The following TRIM59 variants were observed in gnomAD, a reference collection of about 807,000 sequenced individuals.
TRIM59 encodes the protein tripartite motif-containing protein 59.
TRIM59 carries 14 observed loss-of-function variants against 32.2 expected under a neutral mutation model. The observed-to-expected ratio is 0.43, with a 90% CI of 0.29 to 0.68. The LOEUF (loss-of-function observed/expected upper bound fraction) is 0.68. TRIM59 is among the 30% of genes least tolerant of loss of function. TRIM59 has a pLI of 0.15. For synonymous variants in TRIM59, 163 were observed against 155.1 expected (o/e 1.05, Z -0.38); for missense variants, 471 against 463.3 (o/e 1.02, Z -0.15).
chr3:160,446,245 C>T (rs560613861), intron 2 of TRIM59, among the ~76,000 whole-genome samples: 75 of 152,296 alleles, frequency 4.9e-4, no homozygotes, highest in Non-Finnish European at 7.8e-4. Flanking sequence ...CTAGGCCCTA[C>T]TCAACTGTTC....
At position 160,436,234 on chromosome 3, in the gene TRIM59, A is replaced by G; in HGVS notation, c.*1738T>C. The G allele has an allele frequency of 1.0e-6, 1 of 994,484 alleles. No individual in the cohort carries two copies. The highest frequency in any genetic ancestry group is 1.2e-6 in the Non-Finnish European group (1 of 835,522). The allele number at this position is 994,484 out of a possible 1,614,324, so 61.6% of individuals were successfully genotyped here. A position where few individuals can be genotyped will look rare whatever the true frequency, so the allele number is the denominator to read the frequency against. ...AGTTTTAGAACTAGTTCCCTGAAAA[A>G]GCTGTATTTATGATAGTTTATGTGC... On this transcript the variant is annotated 3_prime_UTR_variant, in exon 3 of 3. Coordinates refer to ENST00000309784, the MANE Select transcript of TRIM59 (RefSeq NM_173084.3).
intron 2 of TRIM59, among the ~76,000 whole-genome samples, chr3:160,441,849 C>G (rs1157746024): frequency 6.6e-6 from 1 of 151,420 alleles, no homozygotes; most frequent in East Asian, 1.9e-4. Flanking sequence ...CACACAGAGA[C>G]TAAGCTTGAA....
chr3:160,438,806 A>C lies in TRIM59; in HGVS notation c.378T>G (p.His126Gln). ...VCGHCLTIGQ[H>Q]HGHPIDDLQS... The stretch of plus-strand genomic sequence containing the variant: ...GAAGGTCATCTATAGGATGACCATG[A>C]TGTTGACCTATGGTAAGGCAATGAC... Residue 126 changes from histidine to glutamine, a missense_variant, in exon 3 of 3, where the codon CAT (histidine) becomes CAG (glutamine). Coordinates refer to ENST00000309784, the MANE Select transcript of TRIM59 (RefSeq NM_173084.3). The C allele has an allele frequency of 6.2e-7, 1 of 1,613,958 alleles. No individual in the cohort carries two copies. Among genetic ancestry groups the C allele is most frequent in the Non-Finnish European group, 8.5e-7 (1 of 1,179,918 alleles).
chr3:160,446,716 G>T (rs1719549956), intron 2 of TRIM59, among the ~76,000 whole-genome samples: 2 of 152,152 alleles, frequency 1.3e-5, no homozygotes, highest in African/African-American at 4.8e-5. Context: ...ATGGTGGCGG[G>T]CAAGCCCACC....
At position 160,436,820 on chromosome 3, in the gene TRIM59, A is replaced by G. The variant is rs967338104; in HGVS notation, c.*1152T>C. 1.3e-5 allele frequency: 12 copies of G among 927,892 alleles called. 1 individual carries two copies. The highest frequency in any genetic ancestry group is 1.2e-4 in the Admixed American group (2 of 16,136). The allele number at this position is 927,892 out of a possible 1,614,324, so 57.5% of individuals were successfully genotyped here. A position where few individuals can be genotyped will look rare whatever the true frequency, so the allele number is the denominator to read the frequency against. ...CTCAAAAAAAAAAAAAAAAAAAAAA[A>G]AAAAAGATTAAGTTGTTGGTACTTT... is the stretch of plus-strand genomic sequence containing the variant. On this transcript the variant is annotated 3_prime_UTR_variant, in exon 3 of 3. Coordinates refer to ENST00000309784, the MANE Select transcript of TRIM59 (RefSeq NM_173084.3).
At position 160,445,689 on chromosome 3, in the gene TRIM59, G is replaced by A. The variant is rs755703753; in HGVS notation, c.-4+3037C>T. Among the ~76,000 whole-genome samples the A allele has an allele frequency of 8.6e-5, 13 of 150,342 alleles. No homozygotes were observed. The East Asian group carries it at 1.6e-3, about 18-fold the overall frequency. ...CTCGGGAGGCTGAGGCAGGAGAATC[G>A]CTTAAACCTGGGAGGCGGAGATTGC... On this transcript the variant is annotated intron_variant, in intron 2 of 2. Coordinates refer to ENST00000309784, the MANE Select transcript of TRIM59 (RefSeq NM_173084.3).
In TRIM59 at chr3:160,438,560, A is replaced by G; in HGVS notation, c.624T>C (p.Cys208=). 1 of 1,611,474 alleles carries G rather than the reference A, an allele frequency of 6.2e-7. No homozygotes were observed. Among genetic ancestry groups the G allele is most frequent in the South Asian group, 1.1e-5 (1 of 89,982 alleles). The change falls in exon 3 of 3, where the codon TGT becomes TGC. Residue 208 remains cysteine, a synonymous_variant. Coordinates refer to ENST00000309784, the MANE Select transcript of TRIM59 (RefSeq NM_173084.3). ...QKKKSFLTAL[C]DVGNLINQEY... is the part of the protein sequence containing the mutation. The stretch of plus-strand genomic sequence containing the variant: ...CTTGATTAATTAGATTGCCAACATC[A>G]CAGAGAGCCGTTAGGAAACTTTTTT...
chr3:160,449,179 G>A (rs946347894), intron 1 of TRIM59, among the ~76,000 whole-genome samples: 13 of 152,208 alleles, frequency 8.5e-5, no homozygotes, highest in African/African-American at 2.9e-4. Context: ...AACTGATTTA[G>A]TATAGTTTGC....
In TRIM59 at chr3:160,436,194, T is replaced by C. The variant is rs1577009037; in HGVS notation, c.*1778A>G. 1 of 1,005,832 alleles carries C rather than the reference T, an allele frequency of 9.9e-7. No homozygotes were observed. Among genetic ancestry groups the C allele is most frequent in the Non-Finnish European group, 1.2e-6 (1 of 843,238 alleles). 62.3% of individuals were successfully genotyped at this position (1,005,832 alleles called of 1,614,324 possible). On this transcript the variant is annotated 3_prime_UTR_variant, in exon 3 of 3. Transcript: ENST00000309784. ...ACAGTCATCTTAGTGTTAAGACTTA[T>C]TCTCAGCAGGTAAGAGTTTTAGAAC... is the stretch of plus-strand genomic sequence containing the variant.
At chr3:160,442,593 G>A (rs1719312707) in intron 2 of TRIM59, among the ~76,000 whole-genome samples, 1 of 151,820 alleles carries the variant, frequency 6.6e-6, no homozygotes, top group African/African-American at 2.4e-5. Flanking sequence ...ATCGTGGTTG[G>A]TCTCAAAGTT....
chr3:160,445,569 T>C (rs1416808215), intron 2 of TRIM59, among the ~76,000 whole-genome samples: 1 of 149,286 alleles, frequency 6.7e-6, no homozygotes, highest in Non-Finnish European at 1.5e-5. Context: ...AAGTCAGGAG[T>C]TCAAGACCAG....
chr3:160,436,431 A>C lies in TRIM59; in HGVS notation c.*1541T>G. On this transcript the variant is annotated 3_prime_UTR_variant, in exon 3 of 3. Coordinates refer to ENST00000309784, the MANE Select transcript of TRIM59 (RefSeq NM_173084.3). ...GGCCAAAAGTCGTAACACATGCATC[A>C]TAACTCCAGTCCCTGTTAAAGGGAA... 1.0e-6 allele frequency: 1 copy of C among 985,942 alleles called. No homozygotes were observed. Among genetic ancestry groups the C allele is most frequent in the Non-Finnish European group, 1.2e-6 (1 of 829,972 alleles). 61.1% of individuals were successfully genotyped at this position (985,942 alleles called of 1,614,324 possible). A position where few individuals can be genotyped will look rare whatever the true frequency, so the allele number is the denominator to read the frequency against.
chr3:160,445,890 T>A (rs1192185613), intron 2 of TRIM59, among the ~76,000 whole-genome samples: 1 of 151,972 alleles, frequency 6.6e-6, no homozygotes, highest in Non-Finnish European at 1.5e-5. Flanking sequence ...CATGGCTCAC[T>A]GCAGCCTCAA....
At chr3:160,439,835 A>G (rs1719150710) in intron 2 of TRIM59, among the ~76,000 whole-genome samples, 2 of 152,212 alleles carry the variant, frequency 1.3e-5, no homozygotes, top group African/African-American at 4.8e-5. Flanking sequence ...ACACTACATA[A>G]TAAAGACTAA....
At chr3:160,445,052 T>C (rs974651486) in intron 2 of TRIM59, among the ~76,000 whole-genome samples, 2 of 151,754 alleles carry the variant, frequency 1.3e-5, no homozygotes, top group Non-Finnish European at 2.9e-5. Context: ...CCATACACTT[T>C]ACTTACCAAA....
chr3:160,437,428 A>G lies in TRIM59; in HGVS notation c.*544T>C, dbSNP rs1342144703. 1 of 985,434 alleles carries G rather than the reference A, an allele frequency of 1.0e-6. No homozygotes were observed. The allele number at this position is 985,434 out of a possible 1,614,324, so 61.0% of individuals were successfully genotyped here. ...ATAGTTTTATTTGGAGTGAATGGTG[A>G]TAAGCATTTAGGGCTCTTAAATCTA... On this transcript the variant is annotated 3_prime_UTR_variant, in exon 3 of 3. Transcript: ENST00000309784.
intron 2 of TRIM59, among the ~76,000 whole-genome samples, chr3:160,442,828 T>C (rs541987954): frequency 3.3e-5 from 5 of 152,270 alleles, no homozygotes; most frequent in East Asian, 3.9e-4. Flanking sequence ...AAGTAAACTA[T>C]ATAGGTGGGC....
intron 2 of TRIM59, chr3:160,447,920 A>G (rs1321301588): frequency 6.6e-6 from 1 of 152,220 alleles, no homozygotes; most frequent in East Asian, 1.9e-4. Flanking sequence ...TTATAAACAT[A>G]TATAAGATTT....
At chr3:160,443,985 T>C (rs778394785) in intron 2 of TRIM59, among the ~76,000 whole-genome samples, 3 of 152,020 alleles carry the variant, frequency 2.0e-5, no homozygotes, top group African/African-American at 2.4e-5. Context: ...ATATGAAACA[T>C]ATTGAGAGGT....
Sources: allele counts gnomAD v4.1 joint callset (sites outside exome capture counted in the v4.1 genomes callset), GRCh38; gene constraint gnomAD v4.1.1; transcripts MANE v1.5; gene names NCBI Gene and HGNC (gene_info 2026-07-23, HGNC 2026-07-21).